Variants in CDYL observed in about 807,000 individuals in gnomAD.
CDYL encodes chromodomain Y like, also known as chromodomain Y-like protein.
In CDYL, 8 loss-of-function variants were observed where a neutral mutation model predicts 47.3. The observed-to-expected ratio is 0.17, with a 90% CI of 0.10 to 0.31. CDYL has a LOEUF of 0.31. CDYL is among the 10% of genes least tolerant of loss of function. CDYL has a pLI of 1.00. For synonymous variants in CDYL, 266 were observed against 265.0 expected (o/e 1.00, Z -0.04); for missense variants, 471 against 701.4 (o/e 0.67, Z 3.71).
chr6:4,719,501 C>T (rs1757330977), intron 2 of CDYL, among the ~76,000 whole-genome samples: 1 of 152,182 alleles, frequency 6.6e-6, no homozygotes, highest in South Asian at 2.1e-4. Context: ...TCCTGCAAGG[C>T]CTAAGCTGCC....
At chr6:4,742,109 C>G (rs1220814770) in intron 3 of CDYL, among the ~76,000 whole-genome samples, 1 of 152,056 alleles carries the variant, frequency 6.6e-6, no homozygotes, top group Non-Finnish European at 1.5e-5. Context: ...GCCTCTAACC[C>G]CAACATTTTG....
chr6:4,729,475 A>G (rs1757568510), intron 2 of CDYL, among the ~76,000 whole-genome samples: 1 of 151,902 alleles, frequency 6.6e-6, no homozygotes, highest in Non-Finnish European at 1.5e-5. Context: ...CTCCCAGGTT[A>G]TACATTGCTT....
intron 2 of CDYL, among the ~76,000 whole-genome samples, chr6:4,934,707 A>C (rs1758135106): frequency 6.6e-6 from 1 of 152,188 alleles, no homozygotes; most frequent in African/African-American, 2.4e-5. Flanking sequence ...ATGCCTGTAC[A>C]TCTCAGCTGC....
intron 3 of CDYL, among the ~76,000 whole-genome samples, chr6:4,756,355 A>G (rs1359157791): frequency 2.0e-5 from 3 of 152,052 alleles, no homozygotes; most frequent in African/African-American, 7.2e-5. Flanking sequence ...TGGAATAGGC[A>G]TTTTACTTTC....
At chr6:4,887,163 T>C (rs1761920728) in intron 1 of CDYL, among the ~76,000 whole-genome samples, 1 of 152,206 alleles carries the variant, frequency 6.6e-6, no homozygotes, top group South Asian at 2.1e-4. Context: ...TTGAAAATTT[T>C]TTGGGCTGTT....
intron 1 of CDYL, among the ~76,000 whole-genome samples, chr6:4,778,938 T>C (rs1468920842): frequency 6.6e-6 from 1 of 152,190 alleles, no homozygotes; most frequent in Non-Finnish European, 1.5e-5. Context: ...CTCAGTTTCC[T>C]CATCTGTGAA....
intron 1 of CDYL, among the ~76,000 whole-genome samples, chr6:4,710,307 C>A (rs1204047917): frequency 1.5e-5 from 2 of 131,128 alleles, no homozygotes; most frequent in Non-Finnish European, 3.1e-5. Context: ...GAGGAAGGAT[C>A]GAAAGAAGAA....
At chr6:4,763,926 G>A (rs774238637) in intron 3 of CDYL, among the ~76,000 whole-genome samples, 3 of 152,124 alleles carry the variant, frequency 2.0e-5, no homozygotes, top group Non-Finnish European at 4.4e-5. Flanking sequence ...CTGGGCAACA[G>A]AGTGAGACTC....
rs113486344 is a variant in CDYL at position 4,787,980 on chromosome 6, C to T, written c.24+11173C>T. 9.0e-3 allele frequency among the ~76,000 whole-genome samples: 1,373 copies of T among 151,876 alleles called. 19 individuals are homozygous for T. Among genetic ancestry groups the T allele is most frequent in the African/African-American group, 0.032 (1,325 of 41,420 alleles). On this transcript the variant is annotated intron_variant, in intron 1 of 6. Coordinates refer to ENST00000397588, the MANE Select transcript of CDYL (RefSeq NM_004824.4). ...AGAGACAAGGATTCACCATTTTGGC[C>T]AGGCTGGTCTCGAACTCCTGACCTC... is the stretch of plus-strand genomic sequence containing the variant.
chr6:4,755,041 TG>T (rs535379196), intron 3 of CDYL, among the ~76,000 whole-genome samples: 11,993 of 147,408 alleles, frequency 0.081, 502 homozygotes, highest in South Asian at 0.13. Context: ...TTGTTGTTGT[TG>T]TTTTTTGTTT....
chr6:4,946,410 A>G (rs1444905127), intron 5 of CDYL, among the ~76,000 whole-genome samples: 1 of 151,968 alleles, frequency 6.6e-6, no homozygotes, highest in Non-Finnish European at 1.5e-5. Flanking sequence ...TTTCCTCACC[A>G]CATTCTCTTT....
At chr6:4,797,512 A>T (rs1334388599) in intron 1 of CDYL, among the ~76,000 whole-genome samples, 1 of 151,658 alleles carries the variant, frequency 6.6e-6, no homozygotes, top group African/African-American at 2.4e-5. Flanking sequence ...GTGTATTCAC[A>T]AAGTTGTACA....
rs113583831 is a variant in CDYL, at chr6:4,852,603, CTCCT to C, written c.25-39093_25-39090del. The stretch of plus-strand genomic sequence containing the variant: ...TCCAATCTTCCTTCCTCCTTCCTTC[CTCCT>C]TCCTTCCTTCCTTCCTGTTTAGATT... On this transcript the variant is annotated intron_variant, in intron 1 of 6. Coordinates refer to ENST00000397588, the MANE Select transcript of CDYL (RefSeq NM_004824.4). Among the ~76,000 whole-genome samples the C allele has an allele frequency of 2.2e-4, 27 of 122,984 alleles. 1 individual carries two copies. The highest frequency in any genetic ancestry group is 1.3e-3 in the East Asian group (6 of 4,562). 80.7% of individuals were successfully genotyped at this position (122,984 alleles called of 152,430 possible).
At chr6:4,942,706 T>C (rs962687081) in intron 4 of CDYL, among the ~76,000 whole-genome samples, 2 of 152,204 alleles carry the variant, frequency 1.3e-5, no homozygotes, top group African/African-American at 4.8e-5. Context: ...CTACCCTACA[T>C]TGAAAAGCAG....
intron 4 of CDYL, 107 bp from the exon 5 acceptor site, chr6:4,943,439 G>A (rs1758419811): frequency 1.3e-6 from 1 of 790,410 alleles, no homozygotes; most frequent in Non-Finnish European, 2.0e-6. Context: ...CAAGTCTTCA[G>A]GATTTCCGTA....
chr6:4,865,203 A>G (rs1352361748), intron 1 of CDYL, among the ~76,000 whole-genome samples: 1 of 152,064 alleles, frequency 6.6e-6, no homozygotes, highest in Non-Finnish European at 1.5e-5. Context: ...ATCTTGAGTC[A>G]TCCCTGGTCA....
chr6:4,719,559 T>C (rs1437976434), intron 2 of CDYL, among the ~76,000 whole-genome samples: 1 of 152,174 alleles, frequency 6.6e-6, no homozygotes, highest in Non-Finnish European at 1.5e-5. Flanking sequence ...TTTTTAGAGC[T>C]TTTAAAATTA....
At chr6:4,717,362 T>C (rs1757284191) in intron 2 of CDYL, among the ~76,000 whole-genome samples, 1 of 152,100 alleles carries the variant, frequency 6.6e-6, no homozygotes, top group Non-Finnish European at 1.5e-5. Flanking sequence ...AGCTGGCTCA[T>C]CCAGGATCCA....
intron 2 of CDYL, among the ~76,000 whole-genome samples, chr6:4,723,201 T>C (rs976213150): frequency 6.6e-6 from 1 of 152,184 alleles, no homozygotes; most frequent in Non-Finnish European, 1.5e-5. Flanking sequence ...AGCATTTACA[T>C]GGCAGTAGAT....
Sources: allele counts gnomAD v4.1 joint callset (sites outside exome capture counted in the v4.1 genomes callset), GRCh38; gene constraint gnomAD v4.1.1; transcripts MANE v1.5; gene names NCBI Gene and HGNC (gene_info 2026-07-23, HGNC 2026-07-21).